GRAMD2B: variants seen among roughly 807,000 people sequenced by gnomAD.
GRAMD2B encodes GRAM domain containing 2B.
Under a neutral mutation model 59.2 loss-of-function variants are expected in GRAMD2B, and 41 were observed. The observed-to-expected ratio is 0.69, with a 90% CI of 0.54 to 0.90. The LOEUF (loss-of-function observed/expected upper bound fraction) is 0.90. Among genes scored for constraint, GRAMD2B ranks in the 40% least tolerant of loss-of-function variants. GRAMD2B has a pLI of 0.00. For synonymous variants in GRAMD2B, 161 were observed against 182.7 expected (o/e 0.88, Z 0.96); for missense variants, 424 against 500.5 (o/e 0.85, Z 1.46).
intron 9 of GRAMD2B, 65 bp downstream of exon 9, chr5:126,483,639 C>CA: frequency 1.3e-6 from 1 of 744,198 alleles, no homozygotes; most frequent in Non-Finnish European, 2.2e-6. Context: ...ACCCCACCCC[C>CA]TTAAAAAAAA....
chr5:126,378,173 G>C lies in GRAMD2B; in HGVS notation c.125+6606G>C, dbSNP rs191576437. 5.7e-4 allele frequency among the ~76,000 whole-genome samples: 86 copies of C among 152,118 alleles called. 2 individuals are homozygous for C. The East Asian group carries it at 0.013, about 23-fold the overall frequency. The stretch of plus-strand genomic sequence containing the variant: ...ATTATCATCACATTATCAAAACTGG[G>C]TTTGGATTTGAAATAAATCTTTAGC... On this transcript the variant is annotated intron_variant, in intron 1 of 8. Coordinates refer to the GRAMD2B transcript ENST00000506445.
intron 5 of GRAMD2B, among the ~76,000 whole-genome samples, chr5:126,474,805 C>A (rs1561584219): frequency 6.6e-6 from 1 of 152,180 alleles, no homozygotes; most frequent in Non-Finnish European, 1.5e-5. Context: ...GAAGGAGTGA[C>A]CCTGGTTTTT....
intron 1 of GRAMD2B, among the ~76,000 whole-genome samples, chr5:126,405,983 G>T (rs997887881): frequency 1.1e-4 from 17 of 151,758 alleles, no homozygotes; most frequent in African/African-American, 4.1e-4. Flanking sequence ...AATAAAAGTA[G>T]GCAGAAAAAG....
intron 1 of GRAMD2B, among the ~76,000 whole-genome samples, chr5:126,397,141 T>G (rs1757425522): frequency 6.6e-6 from 1 of 152,216 alleles, no homozygotes; most frequent in Non-Finnish European, 1.5e-5. Flanking sequence ...CTGTTCATTC[T>G]GTTGATAGTT....
intron 1 of GRAMD2B, among the ~76,000 whole-genome samples, chr5:126,373,194 G>A (rs919533848): frequency 2.0e-5 from 3 of 152,110 alleles, no homozygotes; most frequent in African/African-American, 7.2e-5. Context: ...AGTAGGTCAG[G>A]CATTGAAGGA....
chr5:126,423,323 T>C, upstream of GRAMD2B: 1 of 1,283,920 alleles, frequency 7.8e-7, no homozygotes, highest in Non-Finnish European at 9.8e-7. Context: ...TTCTCTTCTC[T>C]GCCTCCTGGG....
Position 126,473,373 on chromosome 5 carries a change from G to T in GRAMD2B, c.486+5G>T. ...GTCTTTGGAAAAGACACAAAGGTTG[G>T]TATAATTAAAAAAAAAAATGCTAAC... On this transcript the variant is annotated splice_donor_5th_base_variant and intron_variant, in intron 5 of 13. Coordinates refer to ENST00000285689, the MANE Select transcript of GRAMD2B (RefSeq NM_023927.4). 1.6e-6 allele frequency: 2 copies of T among 1,244,244 alleles called. No homozygotes were observed. Among genetic ancestry groups the T allele is most frequent in the Non-Finnish European group, 2.2e-6 (2 of 894,084 alleles). 77.1% of individuals were successfully genotyped at this position (1,244,244 alleles called of 1,614,324 possible). A position where few individuals can be genotyped will look rare whatever the true frequency, so the allele number is the denominator to read the frequency against.
intron 8 of GRAMD2B, among the ~76,000 whole-genome samples, chr5:126,483,217 C>G (rs4558984): frequency 6.6e-6 from 1 of 151,992 alleles, no homozygotes. Flanking sequence ...TGGGTGTTTT[C>G]CTAGACATTT....
intron 1 of GRAMD2B, among the ~76,000 whole-genome samples, chr5:126,424,452 G>A (rs1364439734): frequency 6.6e-6 from 1 of 152,168 alleles, no homozygotes; most frequent in East Asian, 1.9e-4. Context: ...TTAGGAAGGA[G>A]GGATATGTAT....
chr5:126,469,898 G>A (rs1363039225), intron 3 of GRAMD2B, 110 bp downstream of exon 3: 13 of 710,018 alleles, frequency 1.8e-5, no homozygotes, highest in Non-Finnish European at 3.2e-5. Flanking sequence ...ACTAATATAG[G>A]TATAGAGTTT....
chr5:126,390,965 G>A (rs1343138204), intron 1 of GRAMD2B, among the ~76,000 whole-genome samples: 2 of 152,084 alleles, frequency 1.3e-5, no homozygotes, highest in Non-Finnish European at 2.9e-5. Flanking sequence ...TAGCCACTTT[G>A]CTGTACTCCA....
At chr5:126,383,096 A>G (rs945309393) in intron 1 of GRAMD2B, among the ~76,000 whole-genome samples, 4 of 152,222 alleles carry the variant, frequency 2.6e-5, no homozygotes. Flanking sequence ...CAGTGGAGGT[A>G]GCCGGGGAGT....
chr5:126,486,578 A>G (rs1227973498), intron 11 of GRAMD2B, among the ~76,000 whole-genome samples: 1 of 152,186 alleles, frequency 6.6e-6, no homozygotes, highest in East Asian at 1.9e-4. Context: ...GTAGTACCGC[A>G]GGGAGGAGGA....
Position 126,423,571 on chromosome 5 carries a change from G to A in GRAMD2B, c.-36G>A. The A allele has an allele frequency of 6.2e-7, 1 of 1,600,692 alleles. No homozygotes were observed. Among genetic ancestry groups the A allele is most frequent in the Non-Finnish European group, 8.5e-7 (1 of 1,174,500 alleles). On this transcript the variant is annotated 5_prime_UTR_variant, in exon 1 of 14. Coordinates refer to ENST00000285689, the MANE Select transcript of GRAMD2B (RefSeq NM_023927.4). ...GACGAGCCGGGGCAGAGCCAGGCGCGCGGAAGTCTGAAGGTGCCCTCCAGA... is the reference window on the plus strand; with the variant it reads ...GACGAGCCGGGGCAGAGCCAGGCGCACGGAAGTCTGAAGGTGCCCTCCAGA...
intron 1 of GRAMD2B, among the ~76,000 whole-genome samples, chr5:126,450,811 C>A (rs1485632883): frequency 1.3e-5 from 2 of 152,182 alleles, no homozygotes; most frequent in African/African-American, 2.4e-5. Context: ...ATCCTGCAGA[C>A]ACACAGAATG....
At chr5:126,413,671 G>T (rs1408129587) in intron 1 of GRAMD2B, among the ~76,000 whole-genome samples, 1 of 151,992 alleles carries the variant, frequency 6.6e-6, no homozygotes, top group East Asian at 1.9e-4. Flanking sequence ...TTTCTGCCTT[G>T]ATGATCTAAG....
intron 1 of GRAMD2B, among the ~76,000 whole-genome samples, chr5:126,435,660 T>C (rs1198951962): frequency 6.6e-6 from 1 of 152,178 alleles, no homozygotes; most frequent in East Asian, 1.9e-4. Flanking sequence ...ATTTATTAGA[T>C]CCCTTCCAAC....
intron 8 of GRAMD2B, among the ~76,000 whole-genome samples, chr5:126,482,761 T>G (rs1772130269): frequency 6.6e-6 from 1 of 152,352 alleles, no homozygotes; most frequent in East Asian, 1.9e-4. Flanking sequence ...GGCAGCTGAC[T>G]AAATTGTTAA....
intron 2 of GRAMD2B, chr5:126,466,312 A>G (rs1303503717): frequency 6.8e-7 from 1 of 1,471,560 alleles, no homozygotes; most frequent in South Asian, 1.2e-5. Flanking sequence ...TTCTCTCCAA[A>G]TCTATGCTTC....
Sources: gnomAD v4.1 joint callset for allele counts (sites outside exome capture counted in the v4.1 genomes callset) on GRCh38, gnomAD v4.1.1 for gene constraint, MANE v1.5 for transcripts, NCBI Gene and HGNC (gene_info 2026-07-23, HGNC 2026-07-21) for gene names.